The following SGMS2 variants were observed in gnomAD, a reference collection of about 807,000 sequenced individuals.
The protein encoded by SGMS2 is sphingomyelin synthase 2, also known as phosphatidylcholine:ceramide cholinephosphotransferase 2.
In SGMS2, 21 loss-of-function variants were observed where a neutral mutation model predicts 43.8. The observed-to-expected ratio is 0.48, with a 90% CI of 0.34 to 0.69. The LOEUF (loss-of-function observed/expected upper bound fraction) is 0.69. Ranked by LOEUF, SGMS2 falls within the 30% of genes least tolerant of loss-of-function variation. SGMS2 has a pLI of 0.01. For missense variants in SGMS2, 384 were observed against 443.2 expected (o/e 0.87, Z 1.20); for synonymous variants, 167 against 160.6 (o/e 1.04, Z -0.30).
intron 4 of SGMS2, among the ~76,000 whole-genome samples, chr4:107,901,404 C>T (rs551525707): frequency 2.0e-5 from 3 of 152,300 alleles, no homozygotes; most frequent in South Asian, 2.1e-4. Context: ...AAAGCTATTA[C>T]AAAATCTTGT....
intron 1 of SGMS2, among the ~76,000 whole-genome samples, chr4:107,841,102 A>G (rs1427231590): frequency 1.3e-5 from 2 of 152,222 alleles, no homozygotes; most frequent in Non-Finnish European, 2.9e-5. Flanking sequence ...AAATAAGAAG[A>G]GAGACCCACT....
intron 1 of SGMS2, among the ~76,000 whole-genome samples, chr4:107,850,207 G>C (rs556180988): frequency 1.3e-5 from 2 of 152,232 alleles, no homozygotes; most frequent in Admixed American, 6.5e-5. Context: ...GTTTCCTGAG[G>C]CTTCCTGAGA....
intron 4 of SGMS2, among the ~76,000 whole-genome samples, chr4:107,902,289 CA>C (rs34388036): frequency 1.6e-3 from 200 of 124,304 alleles, no homozygotes; most frequent in Admixed American, 1.7e-3. Flanking sequence ...GACCCTGTCT[CA>C]AAAAAAAAAA....
chr4:107,876,979 T>C (rs1045737930), intron 2 of SGMS2, among the ~76,000 whole-genome samples: 4 of 152,198 alleles, frequency 2.6e-5, no homozygotes, highest in African/African-American at 9.6e-5. Flanking sequence ...TTAACTCCAA[T>C]ATAAGTCTTA....
intron 1 of SGMS2, among the ~76,000 whole-genome samples, chr4:107,827,294 A>G (rs1025307709): frequency 1.3e-5 from 2 of 152,222 alleles, no homozygotes; most frequent in Non-Finnish European, 2.9e-5. Flanking sequence ...AGTATGCAAC[A>G]ACTACATAAC....
chr4:107,907,132 A>G (rs1731646334), intron 5 of SGMS2: 2 of 152,216 alleles, frequency 1.3e-5, no homozygotes, highest in Admixed American at 1.3e-4. Flanking sequence ...GTTTTCTTCC[A>G]GAACTTAGTG....
At chr4:107,896,092 T>C (rs1271839409) in intron 3 of SGMS2, 84 bp downstream of exon 3, 2 of 1,268,180 alleles carry the variant, frequency 1.6e-6, no homozygotes, top group Non-Finnish European at 2.2e-6. Flanking sequence ...TTTTCCTTTT[T>C]TTCCCCCAAT....
At chr4:107,896,067 G>A (rs918124131) in intron 3 of SGMS2, 59 bp downstream of exon 3, 1 of 1,447,096 alleles carries the variant, frequency 6.9e-7, no homozygotes, top group Non-Finnish European at 9.4e-7. Context: ...TGAATAGATG[G>A]GTTATTGAGA....
At chr4:107,868,313 A>G (rs1350582619) in intron 2 of SGMS2, among the ~76,000 whole-genome samples, 2 of 152,206 alleles carry the variant, frequency 1.3e-5, no homozygotes, top group East Asian at 3.9e-4. Flanking sequence ...TGATCTTCAA[A>G]TTAAGGTTTC....
chr4:107,873,953 T>C (rs1728727772), intron 2 of SGMS2: 1 of 152,176 alleles, frequency 6.6e-6, no homozygotes, highest in South Asian at 2.1e-4. Flanking sequence ...TTATTCTCTT[T>C]TAAGGCTTTA....
At chr4:107,894,642 G>A (rs1730511898) in intron 2 of SGMS2, among the ~76,000 whole-genome samples, 1 of 152,172 alleles carries the variant, frequency 6.6e-6, no homozygotes, top group African/African-American at 2.4e-5. Flanking sequence ...GAGAGACATA[G>A]CTAAGGCTTG....
rs1726490364 is a variant in SGMS2, at chr4:107,841,396, AT to A, written c.-327+16147del. Among the ~76,000 whole-genome samples, 6 of 151,914 alleles carry A rather than the reference AT, an allele frequency of 3.9e-5. No individual in the cohort carries two copies. In the South Asian group the frequency reaches 1.0e-3, roughly 26 times the overall value. On this transcript the variant is annotated intron_variant, in intron 1 of 6. Coordinates refer to ENST00000690982, the MANE Select transcript of SGMS2 (RefSeq NM_001375905.1). Reference sequence around the variant, plus strand: ...CTAGCCACTCTTTTTCCCCTGTGAAATTTTAATGCCTTTGGAAGACTACAGA... The same window carrying A: ...CTAGCCACTCTTTTTCCCCTGTGAAATTTAATGCCTTTGGAAGACTACAGA...
chr4:107,905,140 G>A (rs1731446960), intron 5 of SGMS2, among the ~76,000 whole-genome samples: 1 of 152,166 alleles, frequency 6.6e-6, no homozygotes, highest in African/African-American at 2.4e-5. Flanking sequence ...CCAAGACTGG[G>A]TAATTTATAA....
chr4:107,898,479 A>G (rs1022818722), intron 3 of SGMS2, among the ~76,000 whole-genome samples: 1 of 151,816 alleles, frequency 6.6e-6, no homozygotes. Flanking sequence ...TTTGATCACT[A>G]CCAGTCTTGA....
At chr4:107,855,238 C>T (rs1727357831) in intron 1 of SGMS2, among the ~76,000 whole-genome samples, 1 of 151,910 alleles carries the variant, frequency 6.6e-6, no homozygotes, top group African/African-American at 2.4e-5. Context: ...TTTCCTTCTA[C>T]TAATTTTGGA....
chr4:107,894,855 A>AG (rs1553932933), intron 2 of SGMS2, among the ~76,000 whole-genome samples: 3 of 152,098 alleles, frequency 2.0e-5, no homozygotes, highest in Non-Finnish European at 4.4e-5. Context: ...TTGACAAATG[A>AG]AGAGTAACAA....
At chr4:107,846,218 T>C (rs1033815632) in intron 1 of SGMS2, among the ~76,000 whole-genome samples, 1 of 148,924 alleles carries the variant, frequency 6.7e-6, no homozygotes, top group Non-Finnish European at 1.5e-5. Context: ...CCCATTAACT[T>C]GTCATTTAGC....
In SGMS2 at chr4:107,835,782, C is replaced by T. The variant is rs140360941; in HGVS notation, c.-327+10529C>T. Among the ~76,000 whole-genome samples, 87 of 152,310 alleles carry T rather than the reference C, an allele frequency of 5.7e-4. 1 individual carries two copies. In the East Asian group the frequency reaches 0.016, roughly 27 times the overall value. On this transcript the variant is annotated intron_variant, in intron 1 of 6. Coordinates refer to ENST00000690982, the MANE Select transcript of SGMS2 (RefSeq NM_001375905.1). ...ATTGTTGATAAAAGATTGATGTTCTCTGTTGCATCTTTTGTTAATATGAAC... is the reference window on the plus strand; with the variant it reads ...ATTGTTGATAAAAGATTGATGTTCTTTGTTGCATCTTTTGTTAATATGAAC...
chr4:107,895,605 A>C lies in SGMS2; in HGVS notation c.52A>C (p.Ser18Arg), dbSNP rs1730598047. The C allele has an allele frequency of 6.2e-7, 1 of 1,613,982 alleles. No individual in the cohort carries two copies. The highest frequency in any genetic ancestry group is 1.1e-5 in the South Asian group (1 of 91,074). Residue 18 changes from serine to arginine, a missense_variant, in exon 3 of 7, where the codon AGT becomes CGT. Ser to Arg is a moderately radical substitution (Grantham distance 110). Transcript: ENST00000690982. ...KLEEHLENQP[S>R]DPTNTYARPA... ...TGAAGAACATTTGGAAAATCAACCC[A>C]GTGATCCTACGAACACTTATGCAAG...
Sources: gnomAD v4.1 joint callset for allele counts (sites outside exome capture counted in the v4.1 genomes callset) on GRCh38, gnomAD v4.1.1 for gene constraint, MANE v1.5 for transcripts, NCBI Gene and HGNC (gene_info 2026-07-23, HGNC 2026-07-21) for gene names.